The following STARD13 variants were observed in gnomAD, a reference collection of about 807,000 sequenced individuals.
STARD13 encodes StAR related lipid transfer domain containing 13.
STARD13 carries 62 observed loss-of-function variants against 106.4 expected under a neutral mutation model. That is an observed-to-expected ratio of 0.58 (90% CI 0.48 to 0.72). The LOEUF is 0.72. Among genes scored for constraint, STARD13 ranks in the 30% least tolerant of loss-of-function variants. The pLI is 0.00. For synonymous variants in STARD13, 565 were observed against 553.0 expected, an observed-to-expected ratio of 1.02 and a Z score of -0.31; for missense variants, 1,387 against 1,424.0, an observed-to-expected ratio of 0.97 and a Z score of 0.42.
chr13:33,616,767 G>T, the STARD13 span, among the ~76,000 whole-genome samples: 1 of 152,130 alleles, frequency 6.6e-6, no homozygotes, highest in African/African-American at 2.4e-5. Context: ...AATTACATGG[G>T]TATTAATAAA....
rs1269031721 is a variant in STARD13, at chr13:33,167,636, G to A, written c.170-14C>T. On this transcript the variant is annotated splice_polypyrimidine_tract_variant and intron_variant, in intron 1 of 13. Coordinates refer to ENST00000336934, the MANE Select transcript of STARD13 (RefSeq NM_178006.4). ...TTGCCTCAATTTCTGAAAAACACAAGAGAGATAAAATTGTGAGTCCCACAG... is the reference window on the plus strand; with the variant it reads ...TTGCCTCAATTTCTGAAAAACACAAAAGAGATAAAATTGTGAGTCCCACAG... The A allele has an allele frequency of 6.2e-7, 1 of 1,613,706 alleles. No homozygotes were observed. The highest frequency in any genetic ancestry group is 1.1e-5 in the South Asian group (1 of 91,078).
chr13:33,176,265 T>G (rs965349452), intron 1 of STARD13, among the ~76,000 whole-genome samples: 2 of 152,220 alleles, frequency 1.3e-5, no homozygotes, highest in African/African-American at 4.8e-5. Flanking sequence ...GTATGTATTT[T>G]CTTAAAAAAT....
At chr13:33,154,244 C>T (rs1180109647) in intron 3 of STARD13, among the ~76,000 whole-genome samples, 1 of 152,174 alleles carries the variant, frequency 6.6e-6, no homozygotes, top group African/African-American at 2.4e-5. Flanking sequence ...CACCGTGCCA[C>T]TACGCAGCCA....
At chr13:33,282,999 C>T (rs1012823949) in intron 1 of STARD13, among the ~76,000 whole-genome samples, 4 of 152,142 alleles carry the variant, frequency 2.6e-5, no homozygotes, top group Admixed American at 6.6e-5. Context: ...CACTGCACTC[C>T]AGCCTCGGCG....
chr13:33,244,677 G>A (rs1467531248), intron 1 of STARD13, among the ~76,000 whole-genome samples: 1 of 152,022 alleles, frequency 6.6e-6, no homozygotes, highest in Non-Finnish European at 1.5e-5. Flanking sequence ...AGCCTCCTTG[G>A]GGATAAGAGA....
At chr13:33,239,535 G>A (rs2138241281) in intron 1 of STARD13, among the ~76,000 whole-genome samples, 1 of 152,156 alleles carries the variant, frequency 6.6e-6, no homozygotes, top group Admixed American at 6.5e-5. Context: ...TCATTGCCAA[G>A]ACTTCTTGTT....
the STARD13 span, among the ~76,000 whole-genome samples, chr13:33,420,961 G>C: frequency 1.0e-3 from 152 of 152,258 alleles, no homozygotes; most frequent in South Asian, 1.7e-3. Context: ...GCAGTGTGTA[G>C]AGGGAAATTT....
intron 1 of STARD13, among the ~76,000 whole-genome samples, chr13:33,239,544 T>A (rs1317976882): frequency 6.6e-6 from 1 of 152,158 alleles, no homozygotes; most frequent in Non-Finnish European, 1.5e-5. Context: ...AGACTTCTTG[T>A]TTTGTTGTTT....
chr13:33,383,754 C>CAAAAAAAAAA, the STARD13 span: 3 of 27,776 alleles, frequency 1.1e-4, no homozygotes, highest in Admixed American at 5.5e-4. Flanking sequence ...GAGACTGTCT[C>CAAAAAAAAAA]AAAAAAAAAA....
chr13:33,163,686 T>TATATATATATAAC (rs1882981885), intron 3 of STARD13, among the ~76,000 whole-genome samples: 1 of 64,872 alleles, frequency 1.5e-5, no homozygotes, highest in Non-Finnish European at 2.9e-5. Context: ...ATATAAAACA[T>TATATATATATAAC]ATATATATAT....
chr13:33,227,880 G>A (rs1050046755), intron 1 of STARD13, among the ~76,000 whole-genome samples: 1 of 152,128 alleles, frequency 6.6e-6, no homozygotes, highest in African/African-American at 2.4e-5. Context: ...ATACTGCAAA[G>A]CACAACACCA....
At chr13:33,647,332 A>G in the STARD13 span, among the ~76,000 whole-genome samples, 1 of 152,244 alleles carries the variant, frequency 6.6e-6, no homozygotes, top group Non-Finnish European at 1.5e-5. Context: ...AGTAATTTCT[A>G]TAATTTACTT....
At chr13:33,586,490 G>A in the STARD13 span, among the ~76,000 whole-genome samples, 1 of 152,112 alleles carries the variant, frequency 6.6e-6, no homozygotes, top group African/African-American at 2.4e-5. Flanking sequence ...GGGGAGGATT[G>A]CTAATCTTCA....
chr13:33,405,823 C>A, the STARD13 span, among the ~76,000 whole-genome samples: 1 of 152,220 alleles, frequency 6.6e-6, no homozygotes, highest in African/African-American at 2.4e-5. Flanking sequence ...CAACCGTAAA[C>A]TCCACATAGA....
chr13:33,413,117 C>T, the STARD13 span, among the ~76,000 whole-genome samples: 5 of 152,116 alleles, frequency 3.3e-5, no homozygotes, highest in East Asian at 3.9e-4. Flanking sequence ...GGATAGGTAA[C>T]GGTAAAATCT....
At chr13:33,644,319 G>A in the STARD13 span, among the ~76,000 whole-genome samples, 4 of 152,170 alleles carry the variant, frequency 2.6e-5, no homozygotes, top group African/African-American at 9.7e-5. Context: ...AGTCCATTCA[G>A]ATAATTATCA....
At chr13:33,404,604 T>C in the STARD13 span, among the ~76,000 whole-genome samples, 1 of 151,900 alleles carries the variant, frequency 6.6e-6, no homozygotes, top group African/African-American at 2.4e-5. Flanking sequence ...TAAAGTAAGA[T>C]CTTGGGGTAG....
the STARD13 span, among the ~76,000 whole-genome samples, chr13:33,474,848 GC>G: frequency 6.6e-6 from 1 of 152,050 alleles, no homozygotes; most frequent in African/African-American, 2.4e-5. Context: ...TGAGCTATTG[GC>G]AAAAATCCCC....
At chr13:33,567,444 G>T in the STARD13 span, among the ~76,000 whole-genome samples, 2,561 of 148,150 alleles carry the variant, frequency 0.017, 233 homozygotes, top group African/African-American at 0.06. Flanking sequence ...TCAAAGCTTG[G>T]TACTATTTAG....
Sources: gnomAD v4.1 joint callset for allele counts (sites outside exome capture counted in the v4.1 genomes callset) on GRCh38, gnomAD v4.1.1 for gene constraint, MANE v1.5 for transcripts, NCBI Gene and HGNC (gene_info 2026-07-23, HGNC 2026-07-21) for gene names.